Variants in CADPS2 observed in about 807,000 individuals in gnomAD.
CADPS2 encodes calcium dependent secretion activator 2, also known as calcium-dependent secretion activator 2.
A neutral mutation model predicts 172.5 loss-of-function variants in CADPS2; 93 were observed. The ratio of observed to expected loss-of-function variants is 0.54; its 90% confidence interval spans 0.46 to 0.64. The LOEUF is 0.64. Among genes scored for constraint, CADPS2 ranks in the 30% least tolerant of loss-of-function variants. The pLI is 0.00. For synonymous variants in CADPS2, 546 were observed against 555.2 expected, an observed-to-expected ratio of 0.98 and a Z score of 0.23; for missense variants, 1,420 against 1,565.9, an observed-to-expected ratio of 0.91 and a Z score of 1.57.
At chr7:122,807,407 G>T (rs1443249676) in intron 1 of CADPS2, among the ~76,000 whole-genome samples, 4 of 152,192 alleles carry the variant, frequency 2.6e-5, no homozygotes, top group African/African-American at 7.2e-5. Context: ...AATCTGGAGA[G>T]AAATTTTCTG....
chr7:122,544,332 T>C (rs766916749), intron 8 of CADPS2, among the ~76,000 whole-genome samples: 1 of 152,162 alleles, frequency 6.6e-6, no homozygotes, highest in Non-Finnish European at 1.5e-5. Context: ...ATGCATTTGA[T>C]GTATAATAGA....
chr7:122,728,242 T>G (rs2091301103), intron 2 of CADPS2, among the ~76,000 whole-genome samples: 1 of 151,900 alleles, frequency 6.6e-6, no homozygotes, highest in Admixed American at 6.6e-5. Context: ...AGCAATGCAG[T>G]ATATCTATCA....
At position 122,447,543 on chromosome 7, in the gene CADPS2, A is replaced by ATTTTTTTTTTTTTTTTTTTTTTTTTTT. The variant is rs1159112244; in HGVS notation, c.2288+3804_2288+3830dup. Among the ~76,000 whole-genome samples, 63 of 89,796 alleles carry ATTTTTTTTTTTTTTTTTTTTTTTTTTT rather than the reference A, an allele frequency of 7.0e-4. 16 individuals carry two copies. The highest frequency in any genetic ancestry group is 1.2e-3 in the East Asian group (3 of 2,594). 58.9% of individuals were successfully genotyped at this position (89,796 alleles called of 152,430 possible). ...CCATGTTGATTTCTTGTTTCGGGGA[A>ATTTTTTTTTTTTTTTTTTTTTTTTTTT]TTTTTTTTTTTTTTTTTTTTTTTTT... is the stretch of plus-strand genomic sequence containing the variant. On this transcript the variant is annotated intron_variant, in intron 15 of 29. Coordinates refer to ENST00000449022, the MANE Select transcript of CADPS2 (RefSeq NM_017954.11).
intron 8 of CADPS2, among the ~76,000 whole-genome samples, chr7:122,525,631 TC>T (rs946232910): frequency 1.3e-5 from 2 of 152,140 alleles, no homozygotes; most frequent in African/African-American, 4.8e-5. Flanking sequence ...ATGGAGGCCT[TC>T]TGAAAAATGC....
chr7:122,378,184 A>T (rs1310695526), intron 25 of CADPS2, among the ~76,000 whole-genome samples: 1 of 152,134 alleles, frequency 6.6e-6, no homozygotes, highest in Non-Finnish European at 1.5e-5. Context: ...CTTTTCCCTC[A>T]TTAGAAATTA....
intron 4 of CADPS2, among the ~76,000 whole-genome samples, chr7:122,626,250 G>A (rs1356255129): frequency 6.6e-6 from 1 of 152,184 alleles, no homozygotes; most frequent in East Asian, 1.9e-4. Flanking sequence ...TTGTGTTAAT[G>A]AGGACAGGGG....
chr7:122,691,980 G>C (rs1293977620), intron 2 of CADPS2, among the ~76,000 whole-genome samples: 1 of 152,164 alleles, frequency 6.6e-6, no homozygotes, highest in African/African-American at 2.4e-5. Context: ...AATTTATCCG[G>C]GTTCAGAGAC....
intron 2 of CADPS2, chr7:122,698,762 A>C: frequency 6.2e-7 from 1 of 1,613,946 alleles, no homozygotes; most frequent in Non-Finnish European, 8.5e-7. Context: ...AACTCTGACA[A>C]CACATGATTC....
intron 7 of CADPS2, among the ~76,000 whole-genome samples, chr7:122,566,561 T>C (rs143782551): frequency 5.3e-5 from 8 of 152,218 alleles, no homozygotes; most frequent in African/African-American, 1.9e-4. Context: ...TATTCTAAAG[T>C]GACTTTGAAT....
intron 15 of CADPS2, among the ~76,000 whole-genome samples, chr7:122,444,766 A>G (rs1428956275): frequency 6.6e-6 from 1 of 152,186 alleles, no homozygotes; most frequent in African/African-American, 2.4e-5. Context: ...TATTCTAACA[A>G]TGTCTTTGGA....
chr7:122,792,879 A>G (rs538315886), intron 1 of CADPS2, among the ~76,000 whole-genome samples: 2 of 152,206 alleles, frequency 1.3e-5, no homozygotes, highest in Non-Finnish European at 2.9e-5. Context: ...TTCTAGTTCA[A>G]TATATACTGA....
chr7:122,726,037 G>C (rs914589336), intron 2 of CADPS2, among the ~76,000 whole-genome samples: 3 of 151,724 alleles, frequency 2.0e-5, no homozygotes, highest in East Asian at 3.9e-4. Flanking sequence ...ATTCAAGACA[G>C]TAAATTTTAA....
chr7:122,678,388 A>G (rs988676383), intron 2 of CADPS2, among the ~76,000 whole-genome samples: 7 of 152,332 alleles, frequency 4.6e-5, no homozygotes, highest in Middle Eastern at 3.4e-3. Context: ...AGACTGTGCT[A>G]TAACAATAGA....
At chr7:122,777,671 T>C (rs2093927244) in intron 1 of CADPS2, among the ~76,000 whole-genome samples, 1 of 152,084 alleles carries the variant, frequency 6.6e-6, no homozygotes, top group African/African-American at 2.4e-5. Flanking sequence ...TGAGATCTGA[T>C]GGTTTTATAA....
intron 25 of CADPS2, among the ~76,000 whole-genome samples, chr7:122,362,782 C>T (rs1251952836): frequency 6.6e-6 from 1 of 152,160 alleles, no homozygotes; most frequent in Non-Finnish European, 1.5e-5. Context: ...TTATTGGTCT[C>T]TGGTGACCAG....
In CADPS2 at chr7:122,570,103, G is replaced by A. The variant is rs1200123364; in HGVS notation, c.1335+11076C>T. ...CATCAGAGTGAACAGGCAACCTACA[G>A]AATGGGAGAAAATTTTCGCAACCTA... is the stretch of plus-strand genomic sequence containing the variant. On this transcript the variant is annotated intron_variant, in intron 7 of 29. Transcript: ENST00000449022. Among the ~76,000 whole-genome samples, 28 of 149,846 alleles carry A rather than the reference G, an allele frequency of 1.9e-4. No individual in the cohort carries two copies. In the East Asian group the frequency reaches 2.3e-3, roughly 13 times the overall value.
intron 3 of CADPS2, among the ~76,000 whole-genome samples, chr7:122,646,933 A>T (rs1318885711): frequency 2.0e-5 from 3 of 152,160 alleles, no homozygotes; most frequent in Non-Finnish European, 4.4e-5. Context: ...TTATAGAGGA[A>T]ACAGCAGTAT....
chr7:122,813,571 A>T lies in CADPS2; in HGVS notation c.339+72428T>A, dbSNP rs1800579885. Among the ~76,000 whole-genome samples, 2 of 152,126 alleles carry T rather than the reference A, an allele frequency of 1.3e-5. 1 individual carries two copies. Among genetic ancestry groups the T allele is most frequent in the South Asian group, 4.1e-4 (2 of 4,834 alleles). On this transcript the variant is annotated intron_variant, in intron 1 of 29. Coordinates refer to ENST00000449022, the MANE Select transcript of CADPS2 (RefSeq NM_017954.11). ...TTTTTATGCTGAGTCTTTCAAATGC[A>T]GAAATGTTCTTAAAAGCAGAACTTT...
chr7:122,605,264 A>T (rs191964942), intron 6 of CADPS2, among the ~76,000 whole-genome samples: 1 of 152,216 alleles, frequency 6.6e-6, no homozygotes, highest in East Asian at 1.9e-4. Flanking sequence ...ACTACTACAG[A>T]CTTTATAAAA....
Sources: gnomAD v4.1 joint callset for allele counts (sites outside exome capture counted in the v4.1 genomes callset) on GRCh38, gnomAD v4.1.1 for gene constraint, MANE v1.5 for transcripts, NCBI Gene and HGNC (gene_info 2026-07-23, HGNC 2026-07-21) for gene names.